Variants in DST observed in about 807,000 individuals in gnomAD.
DST encodes dystonin, also known as bullous pemphigoid antigen.
A neutral mutation model predicts 875.2 loss-of-function variants in DST; 253 were observed. The ratio of observed to expected loss-of-function variants is 0.29; its 90% CI spans 0.26 to 0.32. DST has a LOEUF of 0.32. Ranked by LOEUF, DST falls within the 10% of genes least tolerant of loss-of-function variation. DST has a pLI of 1.00. For synonymous variants in DST, 3,124 were observed against 3,197.1 expected (o/e 0.98, Z 0.77); for missense variants, 8,287 against 9,111.6 (o/e 0.91, Z 3.68).
intron 39 of DST, 69 bp from the exon 40 acceptor site, chr6:56,609,413 A>G (rs1353174109): frequency 3.6e-6 from 4 of 1,122,612 alleles, no homozygotes; most frequent in Non-Finnish European, 3.8e-6. Flanking sequence ...CATGCAACTT[A>G]GGTTTTTTAA....
rs1428245889 is a variant in DST at position 56,782,391 on chromosome 6, C to T, written c.626-47102G>A. Among the ~76,000 whole-genome samples the T allele has an allele frequency of 8.5e-5, 13 of 152,288 alleles. No individual in the cohort carries two copies. In the Middle Eastern group the frequency reaches 0.014, roughly 159 times the overall value. ...GTTGGTAAGCTATTGATTATTGCCA[C>T]AATTTCAGAGCCTGTTATTGGTCTA... On this transcript the variant is annotated intron_variant, in intron 4 of 103. Transcript: ENST00000680361.
In DST at chr6:56,614,339, A is replaced by G; in HGVS notation, c.5058+17T>C. On this transcript the variant is annotated intron_variant, in intron 37 of 103. Transcript: ENST00000680361. ...CTGCTATTATTATTATTATTAAACC[A>G]GGACTTCTGTGAATACCTTTTGCTT... 1 of 1,581,292 alleles carries G rather than the reference A, an allele frequency of 6.3e-7. No homozygotes were observed. Among genetic ancestry groups the G allele is most frequent in the Non-Finnish European group, 8.6e-7 (1 of 1,165,326 alleles).
chr6:56,827,506 CAAAAAAAAAA>C lies in DST; in HGVS notation c.625+23881_625+23890del, dbSNP rs779051829. Among the ~76,000 whole-genome samples the C allele has an allele frequency of 8.5e-3, 501 of 58,788 alleles. 4 individuals carry two copies. Among genetic ancestry groups the C allele is most frequent in the African/African-American group, 0.027 (481 of 18,024 alleles). 38.6% of individuals were successfully genotyped at this position (58,788 alleles called of 152,430 possible). ...TGGGCAACAGAGTGAGACTCCGTCT[CAAAAAAAAAA>C]AAAAAAAAAAAGGTAAAACAATAGC... On this transcript the variant is annotated intron_variant, in intron 4 of 103. Coordinates refer to ENST00000680361, the MANE Select transcript of DST (RefSeq NM_001374736.1).
intron 47 of DST, among the ~76,000 whole-genome samples, chr6:56,595,582 C>A (rs1029084249): frequency 6.6e-6 from 1 of 152,124 alleles, no homozygotes; most frequent in African/African-American, 2.4e-5. Context: ...AAAGGACTTC[C>A]TTAGAAGCAC....
intron 10 of DST, among the ~76,000 whole-genome samples, chr6:56,654,038 GA>G (rs775635716): frequency 1.3e-5 from 2 of 152,136 alleles, no homozygotes; most frequent in Non-Finnish European, 2.9e-5. Flanking sequence ...AAGAGCATTA[GA>G]CTATATTATA....
chr6:56,654,298 C>G (rs959299262), intron 10 of DST, among the ~76,000 whole-genome samples: 3 of 142,606 alleles, frequency 2.1e-5, no homozygotes, highest in Non-Finnish European at 4.5e-5. Context: ...CCAGCTTTAT[C>G]CCAGCTTTTC....
At chr6:56,803,892 G>A (rs2099750191) in intron 4 of DST, among the ~76,000 whole-genome samples, 1 of 152,184 alleles carries the variant, frequency 6.6e-6, no homozygotes. Context: ...GTGAAGGGAA[G>A]ATTTGTGTTA....
chr6:56,734,942 C>T, intron 5 of DST: 1 of 283,506 alleles, frequency 3.5e-6, no homozygotes, highest in Admixed American at 5.4e-5. Context: ...TAAATATTTA[C>T]AGATTTCTGA....
rs139823666 is a variant in DST at position 56,561,986 on chromosome 6, A to G, written c.14068+152T>C. ...AAACTGCAAAAAATGTTATATAAAT[A>G]TAATTTTTATGGAGATTGTGACTAT... On this transcript the variant is annotated intron_variant, in intron 56 of 103. Coordinates refer to ENST00000680361, the MANE Select transcript of DST (RefSeq NM_001374736.1). Among the ~76,000 whole-genome samples the G allele has an allele frequency of 0.011, 1,625 of 152,282 alleles. 27 individuals are homozygous for G. Among genetic ancestry groups the G allele is most frequent in the African/African-American group, 0.037 (1,552 of 41,548 alleles).
chr6:56,770,168 G>A (rs2099647374), intron 4 of DST, among the ~76,000 whole-genome samples: 1 of 152,136 alleles, frequency 6.6e-6, no homozygotes, highest in South Asian at 2.1e-4. Context: ...GCAGATAAGA[G>A]AGTTTAATGA....
intron 9 of DST, among the ~76,000 whole-genome samples, chr6:56,694,056 TA>T (rs1243436919): frequency 6.8e-6 from 1 of 146,370 alleles, no homozygotes; most frequent in Non-Finnish European, 1.5e-5. Flanking sequence ...TATATATACA[TA>T]TATATATATG....
At chr6:56,894,058 T>C (rs1441342088) in intron 3 of DST, among the ~76,000 whole-genome samples, 321 of 23,582 alleles carry the variant, frequency 0.014, 2 homozygotes, top group Non-Finnish European at 0.02. Context: ...CTTCCCGCCT[T>C]TCTATTCCAC....
Position 56,740,653 on chromosome 6 carries a change from C to T in DST, c.626-5364G>A, listed in dbSNP as rs911783638. Among the ~76,000 whole-genome samples, 11 of 152,324 alleles carry T rather than the reference C, an allele frequency of 7.2e-5. No homozygotes were observed. In the South Asian group the frequency reaches 1.9e-3, roughly 26 times the overall value. On this transcript the variant is annotated intron_variant, in intron 4 of 103. Transcript: ENST00000680361. Reference sequence around the variant, plus strand: ...GTCATTTTTCAAATGGAAGTGCTGACCACATCTCAGTCACAGACAGGGAGC... The same window carrying T: ...GTCATTTTTCAAATGGAAGTGCTGATCACATCTCAGTCACAGACAGGGAGC...
Position 56,605,211 on chromosome 6 carries a change from T to A in DST, c.9417A>T (p.Glu3139Asp). 1.2e-6 allele frequency: 2 copies of A among 1,611,710 alleles called. No homozygotes were observed. The highest frequency in any genetic ancestry group is 1.7e-6 in the Non-Finnish European group (2 of 1,178,720). The change falls in exon 40 of 104, where the codon GAA (glutamate) becomes GAT (aspartate). Residue 3139 changes from glutamate (E) to aspartate (D), a missense_variant. Coordinates refer to ENST00000680361, the MANE Select transcript of DST (RefSeq NM_001374736.1). The stretch of plus-strand genomic sequence containing the variant: ...CTTTGGAAACTGATGTGTCAAAAAT[T>A]TCTTCAAGATTCTCAAACTGAACAG... ...KSPVQFENLEEIFDTSVSKEI... is the reference protein window; with the variant it reads ...KSPVQFENLEDIFDTSVSKEI...
At chr6:56,935,903 G>A (rs2127772702) in intron 2 of DST, among the ~76,000 whole-genome samples, 1 of 152,176 alleles carries the variant, frequency 6.6e-6, no homozygotes, top group South Asian at 2.1e-4. Context: ...CCAGCCTGGT[G>A]ACAGAACGAG....
At chr6:56,488,424 G>A (rs1170669653) in intron 86 of DST, among the ~76,000 whole-genome samples, 3 of 152,200 alleles carry the variant, frequency 2.0e-5, no homozygotes, top group African/African-American at 7.2e-5. Flanking sequence ...GGGAAGGAAG[G>A]AAGGTGCTGT....
In DST at chr6:56,595,545, C is replaced by A. The variant is rs1563057291; in HGVS notation, c.12196-1352G>T. 3.9e-5 allele frequency among the ~76,000 whole-genome samples: 6 copies of A among 152,218 alleles called. 1 individual carries two copies. The highest frequency in any genetic ancestry group is 1.4e-4 in the African/African-American group (6 of 41,510). On this transcript the variant is annotated intron_variant, in intron 47 of 103. Transcript: ENST00000680361. ...TTAGAACAGTGCTGGCACACAGGAG[C>A]TGAGTAAGAATAACTCTATGCTGTG...
At chr6:56,902,693 T>A (rs1273110520) in intron 2 of DST, among the ~76,000 whole-genome samples, 1 of 152,204 alleles carries the variant, frequency 6.6e-6, no homozygotes, top group Non-Finnish European at 1.5e-5. Context: ...GCTCAGCTGG[T>A]CCTCTTCAAC....
chr6:56,809,958 C>T (rs1263630267), intron 4 of DST, among the ~76,000 whole-genome samples: 1 of 152,094 alleles, frequency 6.6e-6, no homozygotes, highest in Non-Finnish European at 1.5e-5. Flanking sequence ...TAGCACTAAA[C>T]GTGTTGGCCT....
Sources: allele counts gnomAD v4.1 joint callset (sites outside exome capture counted in the v4.1 genomes callset), GRCh38; gene constraint gnomAD v4.1.1; transcripts MANE v1.5; gene names NCBI Gene and HGNC (gene_info 2026-07-23, HGNC 2026-07-21).